The following KIF1A variants were observed in gnomAD, a reference collection of about 807,000 sequenced individuals.
The protein encoded by KIF1A is kinesin family member 1A, also known as kinesin-like protein KIF1A.
KIF1A carries 46 observed loss-of-function variants against 227.3 expected under a neutral mutation model. The observed-to-expected ratio is 0.20, with a 90% confidence interval of 0.16 to 0.26. The LOEUF (loss-of-function observed/expected upper bound fraction) is 0.26. Among genes scored for constraint, KIF1A ranks in the 10% least tolerant of loss-of-function variants. The pLI, the probability that KIF1A is intolerant of heterozygous loss-of-function variation, is 1.00. For synonymous variants in KIF1A, 1,022 were observed against 1,012.8 expected, an observed-to-expected ratio of 1.01 and a Z score of -0.17; for missense variants, 1,683 against 2,485.9, an observed-to-expected ratio of 0.68 and a Z score of 6.87.
At chr2:240,809,079 C>A (rs1403415254) in intron 1 of KIF1A, among the ~76,000 whole-genome samples, 2 of 152,138 alleles carry the variant, frequency 1.3e-5, no homozygotes, top group Non-Finnish European at 2.9e-5. Flanking sequence ...AAAAACATTG[C>A]GGAAAATCTA....
chr2:240,765,456 C>A (rs974482487), intron 20 of KIF1A, among the ~76,000 whole-genome samples: 1 of 152,242 alleles, frequency 6.6e-6, no homozygotes, highest in African/African-American at 2.4e-5. Context: ...TCACTCAGCC[C>A]ACAGCACGGA....
In KIF1A at chr2:240,792,136, G is replaced by C. The variant is rs554671275; in HGVS notation, c.107-2824C>G. On this transcript the variant is annotated intron_variant, in intron 2 of 48. Transcript: ENST00000498729. This position sits in a 1 kb window ranked among gnomAD's most constrained non-coding sequence, Gnocchi z 4.5. ...CCCCCGGTCACACGACGCACAGCCAGACTAGAAGCCAGGGTCCCCGCAACA... is the reference window on the plus strand; with the variant it reads ...CCCCCGGTCACACGACGCACAGCCACACTAGAAGCCAGGGTCCCCGCAACA... Among the ~76,000 whole-genome samples the C allele has an allele frequency of 1.8e-4, 28 of 152,182 alleles. No individual in the cohort carries two copies. The highest frequency in any genetic ancestry group is 6.7e-4 in the African/African-American group (28 of 41,534).
intron 29 of KIF1A, among the ~76,000 whole-genome samples, chr2:240,746,786 C>T (rs375078125): frequency 6.6e-6 from 1 of 152,352 alleles, no homozygotes; most frequent in African/African-American, 2.4e-5. Flanking sequence ...GGACACAGCG[C>T]CGGCCCTTCA....
chr2:240,795,720 C>T (rs140201016), intron 2 of KIF1A, among the ~76,000 whole-genome samples: 3 of 152,168 alleles, frequency 2.0e-5, no homozygotes, highest in Admixed American at 6.5e-5. Flanking sequence ...GGGGGCAGGT[C>T]GGAGGCTGCA....
rs745325157 is a variant in KIF1A, at chr2:240,719,043, T to C, written c.5177A>G (p.Gln1726Arg). The part of the protein sequence containing the change: ...ERFVLNLATA[Q>R]VEYSEDQQAM... ...CTGCTGGTCCTCACTGTACTCCACC[T>C]GGGCAGTGGCCAGGTTGAGCACGAA... The change falls in exon 47 of 49, where the codon CAG (glutamine) becomes CGG (arginine). Residue 1726 changes from glutamine to arginine, a missense_variant. Gln to Arg is a conservative substitution (Grantham distance 43). Around this residue, in one of 12 missense-constraint regions of KIF1A, gnomAD observed 384 missense variants for 410.1 expected, o/e 0.94. Transcript: ENST00000498729. 6.2e-7 allele frequency: 1 copy of C among 1,612,198 alleles called. No homozygotes were observed. The highest frequency in any genetic ancestry group is 2.2e-5 in the East Asian group (1 of 44,858).
In KIF1A at chr2:240,786,463, G is replaced by C. The variant is rs1229926101; in HGVS notation, c.480C>G (p.Pro160=). The C allele has an allele frequency of 5.6e-6, 9 of 1,613,506 alleles. No homozygotes were observed. Among genetic ancestry groups the C allele is most frequent in the Non-Finnish European group, 7.6e-6 (9 of 1,179,790 alleles). ...TCACGCGAAGGTTGCCCTTGTTCTT[G>C]GGGTTCAGGAGGTCACGGACGCGCT... ...YCERVRDLLN[P]KNKGNLRVRE... is the part of the protein sequence containing the mutation. The change falls in exon 6 of 49, where the codon CCC becomes CCG. Residue 160 remains proline, a synonymous_variant. Coordinates refer to ENST00000498729, the MANE Select transcript of KIF1A (RefSeq NM_001244008.2).
rs13430393 is a variant in KIF1A, at chr2:240,793,123, G to A, written c.107-3811C>T. 7.6e-3 allele frequency among the ~76,000 whole-genome samples: 1,153 copies of A among 152,348 alleles called. 12 individuals carry two copies. The highest frequency in any genetic ancestry group is 0.025 in the African/African-American group (1,049 of 41,586). ...CGGGTGCTACTGCTGCCCGTGCAGA[G>A]GGGCTTGCCCAGGTCCCCGACTGCT... On this transcript the variant is annotated intron_variant, in intron 2 of 48. Transcript: ENST00000498729. This position sits in a 1 kb window ranked among gnomAD's most constrained non-coding sequence, Gnocchi z 4.8.
intron 1 of KIF1A, among the ~76,000 whole-genome samples, chr2:240,817,267 C>A (rs1168730709): frequency 6.6e-6 from 1 of 152,186 alleles, no homozygotes; most frequent in African/African-American, 2.4e-5. Flanking sequence ...GTGGCCCAGC[C>A]CCCCATGGTT....
At chr2:240,806,795 C>A (rs114074171) in intron 1 of KIF1A, among the ~76,000 whole-genome samples, 244 of 152,086 alleles carry the variant, frequency 1.6e-3, no homozygotes, top group Non-Finnish European at 3.0e-3. Context: ...AGAAATTGAT[C>A]CAATAGTTTA....
chr2:240,728,326 A>G, intron 38 of KIF1A: 2 of 1,052,142 alleles, frequency 1.9e-6, no homozygotes, highest in South Asian at 2.6e-5. Flanking sequence ...CCGAGGAGAA[A>G]GGAACTCGGA....
chr2:240,782,562 T>A (rs1423059398), intron 10 of KIF1A, 28 bp downstream of exon 10: 1 of 1,550,932 alleles, frequency 6.4e-7, no homozygotes, highest in East Asian at 2.4e-5. Context: ...CTCCCGCACC[T>A]GCCCCGGGGC....
At chr2:240,720,691 G>A in intron 45 of KIF1A, 1 of 406,586 alleles carries the variant, frequency 2.5e-6, no homozygotes, top group Non-Finnish European at 4.4e-6. Flanking sequence ...TCTTCTTCAG[G>A]GAAGAGAACA....
Position 240,771,051 on chromosome 2 carries a change from T to C in KIF1A, c.1261A>G (p.Ser421Gly). 1 of 1,613,248 alleles carries C rather than the reference T, an allele frequency of 6.2e-7. No individual in the cohort carries two copies. The highest frequency in any genetic ancestry group is 8.5e-7 in the Non-Finnish European group (1 of 1,179,794). Reference sequence around the variant, plus strand: ...AGGCTGGACACGGAGGCCGCGCGGCTGGACAGGGCTGAGAGCGAGGATGAG... The same window carrying C: ...AGGCTGGACACGGAGGCCGCGCGGCCGGACAGGGCTGAGAGCGAGGATGAG... ...SPSSSLSALS[S>G]RAASVSSLHE... is the part of the protein sequence containing the mutation. The change falls in exon 15 of 49, where the codon AGC becomes GGC. Residue 421 changes from serine to glycine, a missense_variant. Ser to Gly is a moderately conservative substitution (Grantham distance 56). This residue lies in a region of KIF1A where 110 missense variants were observed against 133.1 expected (regional missense o/e 0.83). Coordinates refer to ENST00000498729, the MANE Select transcript of KIF1A (RefSeq NM_001244008.2).
At chr2:240,724,444 G>A (rs892050465) in intron 40 of KIF1A, 7 of 260,840 alleles carry the variant, frequency 2.7e-5, no homozygotes, top group South Asian at 8.5e-5. Context: ...AGAGCACCTC[G>A]GCCACCCTCC....
In KIF1A at chr2:240,804,926, T is replaced by G. The variant is rs181993777; in HGVS notation, c.-60-7114A>C. Among the ~76,000 whole-genome samples, 137 of 150,838 alleles carry G rather than the reference T, an allele frequency of 9.1e-4. 3 individuals are homozygous for G. The South Asian group carries it at 0.018, about 19-fold the overall frequency. On this transcript the variant is annotated intron_variant, in intron 1 of 48. Transcript: ENST00000498729. ...CCACATATGAACATCAGCCAAATGT[T>G]AGCTCACAATGAAATATTACCAAAC...
intron 1 of KIF1A, among the ~76,000 whole-genome samples, chr2:240,812,549 C>T (rs1019002030): frequency 6.6e-6 from 1 of 151,412 alleles, no homozygotes; most frequent in Non-Finnish European, 1.5e-5. Flanking sequence ...CCTCAGACAT[C>T]TGCCTTCACC....
rs192294562 is a variant in KIF1A at position 240,778,941 on chromosome 2, C to T, written c.883-3015G>A. Among the ~76,000 whole-genome samples the T allele has an allele frequency of 3.9e-3, 593 of 152,134 alleles. 3 individuals are homozygous for T. Among genetic ancestry groups the T allele is most frequent in the Middle Eastern group, 0.021 (6 of 290 alleles). Reference sequence around the variant, plus strand: ...TCAGGCCATTCGCCCGTGTGCACCCCGTTCCTACACACAGCGCTCCACACG... The same window carrying T: ...TCAGGCCATTCGCCCGTGTGCACCCTGTTCCTACACACAGCGCTCCACACG... On this transcript the variant is annotated intron_variant, in intron 10 of 48. Coordinates refer to ENST00000498729, the MANE Select transcript of KIF1A (RefSeq NM_001244008.2). This position sits in a 1 kb window ranked among gnomAD's most constrained non-coding sequence, Gnocchi z 7.2.
In KIF1A at chr2:240,766,741, TCTCTCTCTCA is replaced by T. The variant is rs1431562555; in HGVS notation, c.1684+164_1684+173del. Among the ~76,000 whole-genome samples, 6 of 112,520 alleles carry T rather than the reference TCTCTCTCTCA, an allele frequency of 5.3e-5. No individual in the cohort carries two copies. Among genetic ancestry groups the T allele is most frequent in the Non-Finnish European group, 8.8e-5 (5 of 56,596 alleles). The allele number at this position is 112,520 out of a possible 152,430, so 73.8% of individuals were successfully genotyped here. A position where few individuals can be genotyped will look rare whatever the true frequency, so the allele number is the denominator to read the frequency against. ...CTCCAAATCTCTCTCTCTCTCTCTC[TCTCTCTCTCA>T]CACACACACACACACACACACACAC... On this transcript the variant is annotated intron_variant, in intron 19 of 48. Coordinates refer to ENST00000498729, the MANE Select transcript of KIF1A (RefSeq NM_001244008.2). This position sits in a 1 kb window ranked among gnomAD's most constrained non-coding sequence, Gnocchi z 5.0.
upstream of KIF1A, chr2:240,820,329 T>C (rs1253395770): frequency 6.6e-6 from 1 of 150,758 alleles, no homozygotes; most frequent in Non-Finnish European, 1.5e-5. This position sits in a 1 kb window ranked among gnomAD's most constrained non-coding sequence, Gnocchi z 6.2. Context: ...CGCCAGCTGG[T>C]TTGTCGCGCG....
Sources: gnomAD v4.1 joint callset for allele counts (sites outside exome capture counted in the v4.1 genomes callset) on GRCh38, gnomAD v4.1.1 for gene constraint, gnomAD v4.1.1 regional missense constraint, Gnocchi (gnomAD v3.1) non-coding constraint, MANE v1.5 for transcripts, NCBI Gene and HGNC (gene_info 2026-07-23, HGNC 2026-07-21) for gene names.